Variants in SYTL5 observed in about 807,000 individuals in gnomAD.
The protein encoded by SYTL5 is synaptotagmin-like protein 5.
SYTL5 carries 34 observed loss-of-function variants against 55.9 expected under a neutral mutation model. That is an observed-to-expected ratio of 0.61 (90% CI 0.46 to 0.81). The LOEUF (loss-of-function observed/expected upper bound fraction) is 0.81. Among genes scored for constraint, SYTL5 ranks in the 30% least tolerant of loss-of-function variants. The pLI is 0.00. For missense variants in SYTL5, 637 were observed against 546.7 expected, an observed-to-expected ratio of 1.17 and a Z score of -1.65; for synonymous variants, 221 against 188.7, an observed-to-expected ratio of 1.17 and a Z score of -1.40.
chrX:38,073,974 T>C (rs1936328677), intron 5 of SYTL5, among the ~76,000 whole-genome samples: 2 of 111,930 alleles, frequency 1.8e-5, no homozygotes, highest in African/African-American at 6.5e-5. Flanking sequence ...TACTTATAAG[T>C]AGAAAGTTTC....
At chrX:37,893,517 T>A in the SYTL5 span, among the ~76,000 whole-genome samples, 1 of 92,045 alleles carries the variant, frequency 1.1e-5, no homozygotes, top group South Asian at 4.7e-4. Flanking sequence ...GTATATATAA[T>A]CTATAATCTA....
At chrX:37,990,810 A>C in the SYTL5 span, 1 of 1,167,710 alleles carries the variant, frequency 8.6e-7, no homozygotes, top group Non-Finnish European at 1.1e-6. Flanking sequence ...AATCAAGCAG[A>C]GCTGATGAGA....
chrX:38,123,892 C>A (rs1937599456), intron 15 of SYTL5, among the ~76,000 whole-genome samples: 1 of 111,479 alleles, frequency 9.0e-6, no homozygotes, highest in Admixed American at 9.5e-5. Context: ...CAAGAATAGA[C>A]CCTCTGTAAA....
At chrX:37,940,084 C>A in the SYTL5 span, among the ~76,000 whole-genome samples, 1 of 110,295 alleles carries the variant, frequency 9.1e-6, no homozygotes, top group Non-Finnish European at 1.9e-5. Context: ...GATCCGCCCG[C>A]CTCAGCCTCC....
At chrX:38,086,094 A>G (rs1936655902) in intron 6 of SYTL5, among the ~76,000 whole-genome samples, 1 of 111,574 alleles carries the variant, frequency 9.0e-6, no homozygotes, top group Admixed American at 9.6e-5. Flanking sequence ...TTTATATAGC[A>G]TTTTCACTTA....
chrX:37,927,109 T>C, the SYTL5 span, among the ~76,000 whole-genome samples: 2 of 112,036 alleles, frequency 1.8e-5, no homozygotes, highest in African/African-American at 6.5e-5. Context: ...CATAAATAAA[T>C]GCAAATCCAT....
chrX:37,982,260 G>T, the SYTL5 span, among the ~76,000 whole-genome samples: 6 of 112,043 alleles, frequency 5.4e-5, no homozygotes, highest in East Asian at 1.4e-3. Flanking sequence ...TTGAAATTCT[G>T]GATTTGAGAG....
intron 13 of SYTL5, among the ~76,000 whole-genome samples, chrX:38,111,938 G>A (rs1937369989): frequency 9.0e-6 from 1 of 111,579 alleles, no homozygotes; most frequent in South Asian, 3.9e-4. Context: ...TGATATCTAA[G>A]CTCCCCTAGA....
rs774157486 is a variant in SYTL5 at position 38,021,006 on chromosome X, CTT to C, written c.-356-12526_-356-12525del. ...CCCATACCCTTTCCTCTACCCCACACTTTCTCCAACACCAACTTTGAGAGGGT... is the reference window on the plus strand; with the variant it reads ...CCCATACCCTTTCCTCTACCCCACACTCTCCAACACCAACTTTGAGAGGGT... On this transcript the variant is annotated intron_variant, in intron 1 of 16. Transcript: ENST00000297875. Among the ~76,000 whole-genome samples the C allele has an allele frequency of 5.4e-5, 6 of 111,699 alleles. No homozygotes were observed. The East Asian group carries it at 1.7e-3, about 31-fold the overall frequency.
chrX:37,890,332 C>T, the SYTL5 span, among the ~76,000 whole-genome samples: 1 of 111,594 alleles, frequency 9.0e-6, no homozygotes, highest in Non-Finnish European at 1.9e-5. Flanking sequence ...CTTCAGGACT[C>T]AGATCTTAGT....
chrX:38,116,445 TA>T (rs1304381705), intron 13 of SYTL5, among the ~76,000 whole-genome samples: 1 of 112,608 alleles, frequency 8.9e-6, no homozygotes, highest in Non-Finnish European at 1.9e-5. Context: ...TTTCGTTCAG[TA>T]AGTAAAATTC....
At chrX:38,037,891 G>A (rs990017697) in intron 2 of SYTL5, among the ~76,000 whole-genome samples, 1 of 110,974 alleles carries the variant, frequency 9.0e-6, no homozygotes, top group African/African-American at 3.3e-5. Flanking sequence ...GAGAAGTTCA[G>A]ACCTAGGAGA....
chrX:38,122,852 A>G (rs1937586983), intron 15 of SYTL5, among the ~76,000 whole-genome samples: 1 of 112,587 alleles, frequency 8.9e-6, no homozygotes, highest in Non-Finnish European at 1.9e-5. Context: ...AAATTGAGAA[A>G]CTAAGACTGC....
the SYTL5 span, among the ~76,000 whole-genome samples, chrX:37,984,376 A>G: frequency 1.8e-5 from 2 of 111,853 alleles, no homozygotes. Context: ...AAATTAGATA[A>G]CTTAGATAAA....
chrX:37,962,146 C>T, the SYTL5 span, among the ~76,000 whole-genome samples: 17 of 110,235 alleles, frequency 1.5e-4, no homozygotes, highest in Non-Finnish European at 2.1e-4. Flanking sequence ...CATATGTATA[C>T]ATGTGCCATG....
chrX:37,946,080 T>C, the SYTL5 span: 1 of 117,181 alleles, frequency 8.5e-6, no homozygotes, highest in South Asian at 3.6e-4. Flanking sequence ...TCTTGTTCTT[T>C]TTACCTGGGT....
intron 3 of SYTL5, among the ~76,000 whole-genome samples, chrX:38,058,216 T>C (rs1441998715): frequency 9.0e-6 from 1 of 111,573 alleles, no homozygotes; most frequent in Non-Finnish European, 1.9e-5. Context: ...CTCTATTCAA[T>C]GATGTTTGTT....
At chrX:38,100,153 T>C (rs907784585) in intron 9 of SYTL5, among the ~76,000 whole-genome samples, 1 of 111,120 alleles carries the variant, frequency 9.0e-6, no homozygotes, top group Non-Finnish European at 1.9e-5. Flanking sequence ...TTGGCATTAA[T>C]TCTTCCTCAG....
At chrX:37,902,202 A>G in the SYTL5 span, among the ~76,000 whole-genome samples, 1 of 111,971 alleles carries the variant, frequency 8.9e-6, no homozygotes, top group Non-Finnish European at 1.9e-5. Flanking sequence ...AAGGAAGTAG[A>G]CCCTCAGCCT....
Sources: gnomAD v4.1 joint callset for allele counts (sites outside exome capture counted in the v4.1 genomes callset) on GRCh38, gnomAD v4.1.1 for gene constraint, MANE v1.5 for transcripts, NCBI Gene and HGNC (gene_info 2026-07-23, HGNC 2026-07-21) for gene names.